The following SFXN5 variants were observed in gnomAD, a reference collection of about 807,000 sequenced individuals.
The protein encoded by SFXN5 is sideroflexin 5.
Under a neutral mutation model 50.2 loss-of-function variants are expected in SFXN5, and 43 were observed. That is an observed-to-expected ratio of 0.86 (90% CI 0.67 to 1.11). The LOEUF (loss-of-function observed/expected upper bound fraction) is 1.11. Ranked by LOEUF, SFXN5 falls within the 50% of genes least tolerant of loss-of-function variation. SFXN5 has a pLI of 0.00. For synonymous variants in SFXN5, 203 were observed against 185.8 expected, an observed-to-expected ratio of 1.09 and a Z score of -0.75; for missense variants, 463 against 454.1, an observed-to-expected ratio of 1.02 and a Z score of -0.18.
intron 3 of SFXN5, among the ~76,000 whole-genome samples, chr2:73,033,901 G>A (rs761975691): frequency 2.6e-5 from 4 of 152,148 alleles, no homozygotes; most frequent in Admixed American, 1.3e-4. Context: ...CATCTACTGG[G>A]TCACAGCCAG....
At chr2:73,050,462 C>G (rs770411622) in intron 2 of SFXN5, among the ~76,000 whole-genome samples, 2 of 150,702 alleles carry the variant, frequency 1.3e-5, no homozygotes, top group East Asian at 4.0e-4. Flanking sequence ...CCAAGGCTTA[C>G]GCTTGTGCCC....
At chr2:73,046,954 C>T (rs1426561490) in intron 2 of SFXN5, among the ~76,000 whole-genome samples, 5 of 150,204 alleles carry the variant, frequency 3.3e-5, no homozygotes, top group African/African-American at 7.3e-5. Context: ...GGGCCGGGTG[C>T]GGTGGCTCAC....
intron 12 of SFXN5, among the ~76,000 whole-genome samples, chr2:72,964,037 C>A (rs1314183116): frequency 6.6e-6 from 1 of 152,138 alleles, no homozygotes; most frequent in Non-Finnish European, 1.5e-5. Context: ...AGAGTCAAGG[C>A]CAACTGAGCA....
At chr2:73,056,626 G>T (rs575942708) in intron 2 of SFXN5, among the ~76,000 whole-genome samples, 2 of 151,504 alleles carry the variant, frequency 1.3e-5, no homozygotes, top group African/African-American at 4.9e-5. Context: ...CAGAGGTTGC[G>T]GTGAGCTGGG....
chr2:73,058,666 G>C, intron 1 of SFXN5, 70 bp from the exon 2 acceptor site: 1 of 1,428,264 alleles, frequency 7.0e-7, no homozygotes, highest in Non-Finnish European at 9.9e-7. Context: ...ACACTGGAGA[G>C]CCCCACCCTT....
intron 6 of SFXN5, among the ~76,000 whole-genome samples, chr2:73,003,344 G>A (rs920222911): frequency 3.9e-5 from 6 of 152,052 alleles, no homozygotes; most frequent in Admixed American, 2.0e-4. Flanking sequence ...CTTACCCCTC[G>A]AACTGTACTT....
intron 2 of SFXN5, chr2:73,041,680 G>T (rs1260961626): frequency 2.5e-6 from 1 of 397,816 alleles, no homozygotes; most frequent in Non-Finnish European, 5.1e-6. Flanking sequence ...GAAAAAAATA[G>T]AAAGCCTTTA....
At chr2:73,001,716 G>A (rs1673940022) in intron 6 of SFXN5, 138 bp from the exon 7 acceptor site, 15 of 778,214 alleles carry the variant, frequency 1.9e-5, no homozygotes, top group Non-Finnish European at 3.2e-5. Context: ...TACAAACTGA[G>A]GTTCATTGAG....
intron 13 of SFXN5, among the ~76,000 whole-genome samples, chr2:72,949,424 C>T (rs1166250638): frequency 1.3e-5 from 2 of 152,148 alleles, no homozygotes; most frequent in Non-Finnish European, 2.9e-5. Flanking sequence ...CTTGCCTCAG[C>T]CTCCTGAGTA....
rs1683630040 is a variant in SFXN5, at chr2:73,071,589, C to T, written c.102+15G>A. 1 of 1,611,822 alleles carries T rather than the reference C, an allele frequency of 6.2e-7. No individual in the cohort carries two copies. Among genetic ancestry groups the T allele is most frequent in the Non-Finnish European group, 8.5e-7 (1 of 1,178,854 alleles). ...TTGCCACCCGCCGGCCCGCAGACCA[C>T]AGCCCGGTCCTCACCTGCTGGAAGC... On this transcript the variant is annotated intron_variant, in intron 1 of 13. Coordinates refer to ENST00000272433, the MANE Select transcript of SFXN5 (RefSeq NM_144579.3).
intron 9 of SFXN5, 35 bp downstream of exon 9, chr2:72,998,914 C>G (rs1179559712): frequency 1.2e-6 from 2 of 1,610,532 alleles, no homozygotes; most frequent in East Asian, 4.5e-5. Context: ...CCCAGAGCAG[C>G]AGAGCCAAGA....
In SFXN5 at chr2:72,943,906, TGA is replaced by T. The variant is rs1230867658; in HGVS notation, c.*1114_*1115del. 1 of 152,266 alleles carries T rather than the reference TGA, an allele frequency of 6.6e-6. No homozygotes were observed. The highest frequency in any genetic ancestry group is 2.4e-5 in the African/African-American group (1 of 41,464). 9.4% of individuals were successfully genotyped at this position (152,266 alleles called of 1,614,324 possible). ...CTGGTTTCAGACAGGGAGTGGAGGC[TGA>T]GAGAAGGGAATGAATTTGTCTGACA... On this transcript the variant is annotated 3_prime_UTR_variant, in exon 14 of 14. Transcript: ENST00000272433.
chr2:73,069,598 A>G (rs1409859127), intron 1 of SFXN5, among the ~76,000 whole-genome samples: 1 of 152,178 alleles, frequency 6.6e-6, no homozygotes, highest in Non-Finnish European at 1.5e-5. Flanking sequence ...TCAAAAGTGC[A>G]TACAACAAAC....
intron 1 of SFXN5, among the ~76,000 whole-genome samples, chr2:73,061,768 T>G (rs1682824289): frequency 6.6e-6 from 1 of 152,070 alleles, no homozygotes; most frequent in South Asian, 2.1e-4. Flanking sequence ...ATTAAAAAAA[T>G]CAATATTATA....
intron 1 of SFXN5, chr2:73,059,551 A>G (rs1682574860): frequency 1.0e-6 from 1 of 985,308 alleles, no homozygotes; most frequent in South Asian, 4.7e-5. Context: ...GGACCCTGCA[A>G]TAGGCTCCAG....
At chr2:73,058,382 T>C in intron 2 of SFXN5, 146 bp downstream of exon 2, 1 of 669,532 alleles carries the variant, frequency 1.5e-6, no homozygotes. Flanking sequence ...CAGCTACAGG[T>C]AGAGAGAATT....
chr2:73,027,620 C>T (rs1264619379), intron 3 of SFXN5, among the ~76,000 whole-genome samples: 2 of 152,144 alleles, frequency 1.3e-5, no homozygotes, highest in Non-Finnish European at 1.5e-5. Context: ...CTGCAAGCTC[C>T]ATTGATGGTA....
Position 72,944,822 on chromosome 2 carries a change from G to A in SFXN5, c.*200C>T, listed in dbSNP as rs1021685529. 1.9e-5 allele frequency: 10 copies of A among 528,360 alleles called. No homozygotes were observed. The highest frequency in any genetic ancestry group is 1.3e-4 in the African/African-American group (7 of 52,150). The allele number at this position is 528,360 out of a possible 1,614,324, so 32.7% of individuals were successfully genotyped here. On this transcript the variant is annotated 3_prime_UTR_variant, in exon 14 of 14. Transcript: ENST00000272433. ...AATGCACTTGATTATTTTTTTGTAC[G>A]AAATGTGTTAGAACTCCTCTTGCCT...
At chr2:73,058,386 G>C in intron 2 of SFXN5, 142 bp downstream of exon 2, 1 of 693,708 alleles carries the variant, frequency 1.4e-6, no homozygotes, top group East Asian at 2.7e-5. Flanking sequence ...TACAGGTAGA[G>C]AGAATTTGTT....
Sources: allele counts gnomAD v4.1 joint callset (sites outside exome capture counted in the v4.1 genomes callset), GRCh38; gene constraint gnomAD v4.1.1; transcripts MANE v1.5; gene names NCBI Gene and HGNC (gene_info 2026-07-23, HGNC 2026-07-21).